SLC12A6: variants seen among roughly 807,000 people sequenced by gnomAD.
SLC12A6 encodes K-Cl cotransporter 3.
In SLC12A6, 66 loss-of-function variants were observed where a neutral mutation model predicts 135.3. The observed-to-expected ratio is 0.49, with a 90% CI of 0.40 to 0.60. The LOEUF (loss-of-function observed/expected upper bound fraction) is 0.60, where lower values mean the gene tolerates loss of function less well. SLC12A6 is among the 20% of genes least tolerant of loss of function. The probability of loss-of-function intolerance (pLI) is 0.00; values close to 1 mark genes in which losing one functional copy is unlikely to be tolerated. For synonymous variants in SLC12A6, 513 were observed against 508.8 expected, an observed-to-expected ratio of 1.01 and a Z score of -0.11; for missense variants, 1,058 against 1,452.3, an observed-to-expected ratio of 0.73 and a Z score of 4.41.
At chr15:34,328,079 CCAG>C (rs1048155149) in intron 2 of SLC12A6, among the ~76,000 whole-genome samples, 2 of 151,664 alleles carry the variant, frequency 1.3e-5, no homozygotes, top group Non-Finnish European at 2.9e-5. Context: ...AGACTGAAAC[CCAG>C]CTCTGAGCTA....
At chr15:34,320,734 G>A (rs1889023833) in intron 2 of SLC12A6, among the ~76,000 whole-genome samples, 1 of 151,758 alleles carries the variant, frequency 6.6e-6, no homozygotes, top group African/African-American at 2.4e-5. Flanking sequence ...GGCTAACACA[G>A]TGAAACCCTG....
chr15:34,281,026 G>A (rs1292317472), intron 2 of SLC12A6, among the ~76,000 whole-genome samples: 2 of 152,150 alleles, frequency 1.3e-5, no homozygotes, highest in African/African-American at 4.8e-5. Flanking sequence ...CGATACTTGA[G>A]GGTGAGAAGG....
intron 2 of SLC12A6, among the ~76,000 whole-genome samples, chr15:34,289,629 G>T (rs1357173621): frequency 1.3e-5 from 2 of 152,030 alleles, no homozygotes; most frequent in Non-Finnish European, 2.9e-5. Context: ...TTGGTTGGTA[G>T]GCTATTAATT....
intron 2 of SLC12A6, among the ~76,000 whole-genome samples, chr15:34,322,923 G>T (rs1052194665): frequency 1.5e-5 from 2 of 133,328 alleles, no homozygotes; most frequent in African/African-American, 5.8e-5. Context: ...AAGTTGCAGT[G>T]AGCTGAGATT....
rs553781912 is a variant in SLC12A6 at position 34,305,385 on chromosome 15, G to GT, written c.272-29997dup. ...GATCCAATAGGTCTCTTTTTTAAAA[G>GT]TTTTTTTTTTTTGTATTTTTTTTTT... On this transcript the variant is annotated intron_variant, in intron 2 of 25. Coordinates refer to ENST00000354181, the MANE Select transcript of SLC12A6 (RefSeq NM_001365088.1). Among the ~76,000 whole-genome samples the GT allele has an allele frequency of 8.5e-3, 1,193 of 139,848 alleles. 14 individuals are homozygous for GT. The highest frequency in any genetic ancestry group is 0.02 in the African/African-American group (781 of 38,612). The allele number at this position is 139,848 out of a possible 152,430, so 91.7% of individuals were successfully genotyped here. A position where few individuals can be genotyped will look rare whatever the true frequency, so the allele number is the denominator to read the frequency against.
intron 23 of SLC12A6, 141 bp downstream of exon 23, chr15:34,236,567 C>T: frequency 1.4e-6 from 1 of 689,662 alleles, no homozygotes; most frequent in Non-Finnish European, 2.7e-6. Context: ...TGGTCTTGAA[C>T]TCCTGACCTC....
chr15:34,313,558 C>G (rs578071908), intron 2 of SLC12A6, among the ~76,000 whole-genome samples: 3 of 152,252 alleles, frequency 2.0e-5, no homozygotes, highest in South Asian at 2.1e-4. Flanking sequence ...TTTACAGAAG[C>G]TATAGCAAGT....
chr15:34,332,061 T>A (rs994767063), intron 2 of SLC12A6, among the ~76,000 whole-genome samples: 1 of 152,210 alleles, frequency 6.6e-6, no homozygotes, highest in Non-Finnish European at 1.5e-5. Context: ...CACCACACTT[T>A]ACCTTATCAA....
Position 34,232,667 on chromosome 15 carries a change from T to G in SLC12A6, c.*1214A>C, listed in dbSNP as rs1289396130. ...TATACTTGGCATTAAGTTGAATGCC[T>G]CAAGTCTTAACTATGGCTTTGTAGA... On this transcript the variant is annotated 3_prime_UTR_variant, in exon 26 of 26. Transcript: ENST00000354181. The G allele has an allele frequency of 6.6e-6, 1 of 152,670 alleles. No homozygotes were observed. Among genetic ancestry groups the G allele is most frequent in the Non-Finnish European group, 1.5e-5 (1 of 68,050 alleles). 9.5% of individuals were successfully genotyped at this position (152,670 alleles called of 1,614,324 possible).
chr15:34,252,417 T>C (rs1342679827), intron 9 of SLC12A6, 33 bp from the exon 10 acceptor site: 2 of 1,308,188 alleles, frequency 1.5e-6, no homozygotes, highest in Non-Finnish European at 2.2e-6. Flanking sequence ...AAAGATCAAG[T>C]AAGGAAAAAA....
chr15:34,312,046 A>G (rs1426020015), intron 2 of SLC12A6, among the ~76,000 whole-genome samples: 1 of 152,204 alleles, frequency 6.6e-6, no homozygotes, highest in Non-Finnish European at 1.5e-5. Context: ...TGCTTTATAG[A>G]TGGTACATAA....
At chr15:34,318,809 G>A (rs575310127) in intron 2 of SLC12A6, 5 of 1,543,368 alleles carry the variant, frequency 3.2e-6, no homozygotes, top group East Asian at 2.4e-5. Flanking sequence ...GCTGGGATTC[G>A]GGAAGTACTT....
chr15:34,241,092 T>C lies in SLC12A6; in HGVS notation c.2267+141A>G. 4.4e-6 allele frequency: 3 copies of C among 675,554 alleles called. No homozygotes were observed. The Admixed American group carries it at 7.5e-5, about 17-fold the overall frequency. 41.8% of individuals were successfully genotyped at this position (675,554 alleles called of 1,614,324 possible). A position where few individuals can be genotyped will look rare whatever the true frequency, so the allele number is the denominator to read the frequency against. ...ACATGAAGAAAAGGGAATAAAAAAA[T>C]TAAGGATTTAGAATAGTTCAAAACA... is the stretch of plus-strand genomic sequence containing the variant. On this transcript the variant is annotated intron_variant, in intron 18 of 25. Transcript: ENST00000354181.
intron 2 of SLC12A6, among the ~76,000 whole-genome samples, chr15:34,324,902 A>T (rs899075863): frequency 6.6e-6 from 1 of 152,118 alleles, no homozygotes; most frequent in Non-Finnish European, 1.5e-5. Context: ...TAATTTTGTT[A>T]AAAAATAGTA....
chr15:34,275,417 G>T (rs565540077), intron 2 of SLC12A6, 28 bp from the exon 3 acceptor site: 2 of 1,289,534 alleles, frequency 1.6e-6, no homozygotes, highest in Non-Finnish European at 2.3e-6. Context: ...GAAAAGAAAA[G>T]AAAAAAATGA....
At chr15:34,287,677 G>A (rs1237860878) in intron 2 of SLC12A6, among the ~76,000 whole-genome samples, 1 of 152,130 alleles carries the variant, frequency 6.6e-6, no homozygotes, top group Non-Finnish European at 1.5e-5. Flanking sequence ...ATTCTAACTG[G>A]TGTGAGATGG....
At position 34,266,954 on chromosome 15, in the gene SLC12A6, G is replaced by A. The variant is rs1002001495; in HGVS notation, c.317-5934C>T. 6.6e-5 allele frequency among the ~76,000 whole-genome samples: 10 copies of A among 151,902 alleles called. 1 individual carries two copies. The highest frequency in any genetic ancestry group is 2.6e-4 in the Admixed American group (4 of 15,252). ...ACAGGGTTCTAACATCTTTTTATTT[G>A]TTTTTTCTCTATGACTCATTCTCAT... is the stretch of plus-strand genomic sequence containing the variant. On this transcript the variant is annotated intron_variant, in intron 3 of 25. Coordinates refer to ENST00000354181, the MANE Select transcript of SLC12A6 (RefSeq NM_001365088.1).
intron 2 of SLC12A6, among the ~76,000 whole-genome samples, chr15:34,278,588 T>C (rs1056446230): frequency 5.3e-5 from 8 of 152,164 alleles, no homozygotes; most frequent in African/African-American, 1.9e-4. Flanking sequence ...TTTATTTTTT[T>C]TGAGATGGAG....
chr15:34,264,927 T>G (rs1893393600), intron 3 of SLC12A6, among the ~76,000 whole-genome samples: 1 of 152,244 alleles, frequency 6.6e-6, no homozygotes, highest in Non-Finnish European at 1.5e-5. Context: ...CTGGGTGCAG[T>G]GGCTCATGCC....
Sources: allele counts gnomAD v4.1 joint callset (sites outside exome capture counted in the v4.1 genomes callset), GRCh38; gene constraint gnomAD v4.1.1; transcripts MANE v1.5; gene names NCBI Gene and HGNC (gene_info 2026-07-23, HGNC 2026-07-21).